The following HTRA3 variants were observed in gnomAD, a reference collection of about 807,000 sequenced individuals.
HTRA3 encodes HtrA serine peptidase 3.
In HTRA3, 41 loss-of-function variants were observed where a neutral mutation model predicts 43.2. The observed-to-expected ratio is 0.95, with a 90% CI of 0.74 to 1.23. HTRA3 has a LOEUF of 1.23. Among genes scored for constraint, HTRA3 ranks in the 50% most tolerant of loss-of-function variants. HTRA3 has a pLI of 0.00. For synonymous variants in HTRA3, 295 were observed against 287.9 expected, an observed-to-expected ratio of 1.02 and a Z score of -0.25; for missense variants, 628 against 647.1, an observed-to-expected ratio of 0.97 and a Z score of 0.32.
chr4:8,274,704 TC>T (rs1352491543), intron 1 of HTRA3, among the ~76,000 whole-genome samples: 1 of 152,216 alleles, frequency 6.6e-6, no homozygotes, highest in Non-Finnish European at 1.5e-5. Flanking sequence ...TAAATGCGTT[TC>T]TGAGGGCCTG....
At chr4:8,290,846 GCTTCA>G (rs1713206564) in intron 3 of HTRA3, among the ~76,000 whole-genome samples, 1 of 152,216 alleles carries the variant, frequency 6.6e-6, no homozygotes, top group Non-Finnish European at 1.5e-5. Context: ...TCGGCTAGTG[GCTTCA>G]CTTCTCCAGG....
At chr4:8,278,719 G>C (rs1267207040) in intron 1 of HTRA3, among the ~76,000 whole-genome samples, 1 of 152,162 alleles carries the variant, frequency 6.6e-6, no homozygotes, top group East Asian at 1.9e-4. Context: ...CCAGGCTCTG[G>C]GGTTGCCTAG....
At chr4:8,277,205 G>A (rs560899084) in intron 1 of HTRA3, among the ~76,000 whole-genome samples, 31 of 152,292 alleles carry the variant, frequency 2.0e-4, no homozygotes, top group East Asian at 9.7e-4. Flanking sequence ...GGCTCGGTGG[G>A]GCAAAGTTCA....
rs574126886 is a variant in HTRA3, at chr4:8,304,256, T to A, written c.1173T>A (p.Val391=). ...EVSSGIYVQE[V]APNSPSQRGG... ...GCAGTGGAATTTATGTGCAAGAGGT[T>A]GCGCCGAATTCACCTTCTCAGAGGT... Residue 391 remains valine (V), a synonymous_variant, in exon 8 of 9, where the codon GTT becomes GTA. Transcript: ENST00000307358. The A allele has an allele frequency of 6.2e-7, 1 of 1,614,126 alleles. No homozygotes were observed. The highest frequency in any genetic ancestry group is 1.3e-5 in the African/African-American group (1 of 75,044).
Position 8,291,471 on chromosome 4 carries a change from A to T in HTRA3, c.810A>T (p.Thr270=), listed in dbSNP as rs1326159559. ...CCTTCGCCCTACAGAACACAGTGAC[A>T]ACGGGCATCGTCAGCACTGCCCAGC... is the stretch of plus-strand genomic sequence containing the variant. The part of the protein sequence containing the change: ...GSPFALQNTV[T]TGIVSTAQRE... Residue 270 remains threonine (T), a synonymous_variant, in exon 4 of 9, where the codon ACA becomes ACT. Transcript: ENST00000307358. 1 of 1,613,104 alleles carries T rather than the reference A, an allele frequency of 6.2e-7. No homozygotes were observed. Among genetic ancestry groups the T allele is most frequent in the Non-Finnish European group, 8.5e-7 (1 of 1,179,996 alleles).
rs185708536 is a variant in HTRA3 at position 8,300,895 on chromosome 4, T to C, written c.1052-1568T>C. Among the ~76,000 whole-genome samples the C allele has an allele frequency of 2.4e-3, 369 of 152,172 alleles. 6 individuals are homozygous for C. The highest frequency in any genetic ancestry group is 0.023 in the Admixed American group (349 of 15,292). ...TTTATTGATTCACACTCATCTTTAT[T>C]ATTGATTCACACTCTCAGCTTTATT... On this transcript the variant is annotated intron_variant, in intron 6 of 8. Coordinates refer to ENST00000307358, the MANE Select transcript of HTRA3 (RefSeq NM_053044.5).
rs1379190845 is a variant in HTRA3 at position 8,296,384 on chromosome 4, A to G, written c.1051+2183A>G. 3 of 985,348 alleles carry G rather than the reference A, an allele frequency of 3.0e-6. No homozygotes were observed. Among genetic ancestry groups the G allele is most frequent in the East Asian group, 1.1e-4 (1 of 8,826 alleles). 61.0% of individuals were successfully genotyped at this position (985,348 alleles called of 1,614,324 possible). Reference sequence around the variant, plus strand: ...GAGGAGCCTGATAAACCTTAGCTGCATGGCACACTTGCAATTTTAAAATCC... The same window carrying G: ...GAGGAGCCTGATAAACCTTAGCTGCGTGGCACACTTGCAATTTTAAAATCC... On this transcript the variant is annotated intron_variant, in intron 6 of 8. Transcript: ENST00000307358. This position sits in a 1 kb window ranked among gnomAD's most constrained non-coding sequence, Gnocchi z 5.3.
At chr4:8,284,478 A>G (rs1712881056) in intron 2 of HTRA3, among the ~76,000 whole-genome samples, 1 of 152,140 alleles carries the variant, frequency 6.6e-6, no homozygotes, top group Non-Finnish European at 1.5e-5. Flanking sequence ...GATGAGACAG[A>G]TGCTTTTCCA....
intron 3 of HTRA3, among the ~76,000 whole-genome samples, chr4:8,289,425 C>T (rs1187221870): frequency 6.6e-6 from 1 of 152,212 alleles, no homozygotes. Flanking sequence ...GCGTTTGGGC[C>T]TTGGGCCAGT....
chr4:8,295,861 C>T lies in HTRA3; in HGVS notation c.1051+1660C>T. 1 of 1,235,836 alleles carries T rather than the reference C, an allele frequency of 8.1e-7. No homozygotes were observed. 76.6% of individuals were successfully genotyped at this position (1,235,836 alleles called of 1,614,324 possible). ...GGATGCCGCCATTGTTCTTCTGTGT[C>T]CATTATGGGAAGACAATCTGGAGCC... On this transcript the variant is annotated intron_variant, in intron 6 of 8. Coordinates refer to ENST00000307358, the MANE Select transcript of HTRA3 (RefSeq NM_053044.5). This position sits in a 1 kb window ranked among gnomAD's most constrained non-coding sequence, Gnocchi z 6.9.
intron 3 of HTRA3, among the ~76,000 whole-genome samples, chr4:8,289,249 C>T (rs1713130056): frequency 6.6e-6 from 1 of 152,206 alleles, no homozygotes; most frequent in African/African-American, 2.4e-5. Flanking sequence ...GGTGCCCAGC[C>T]AACAAATTTT....
intron 1 of HTRA3, among the ~76,000 whole-genome samples, chr4:8,281,595 G>C (rs11721894): frequency 0.32 from 48,209 of 152,188 alleles, 8,777 homozygotes; most frequent in Non-Finnish European, 0.41. Flanking sequence ...GCTCATTGCG[G>C]GGCTCGGGAG....
chr4:8,275,670 G>A (rs760573506), intron 1 of HTRA3, among the ~76,000 whole-genome samples: 23 of 152,204 alleles, frequency 1.5e-4, no homozygotes, highest in Admixed American at 3.9e-4. Flanking sequence ...AACACCTTCC[G>A]CCCAGGCTTG....
At chr4:8,277,842 C>A (rs188103520) in intron 1 of HTRA3, among the ~76,000 whole-genome samples, 7 of 152,322 alleles carry the variant, frequency 4.6e-5, no homozygotes, top group Non-Finnish European at 8.8e-5. Context: ...CTCCTCCATC[C>A]CCAGCTCACA....
In HTRA3 at chr4:8,306,090, G is replaced by A; in HGVS notation, c.1316G>A (p.Gly439Glu). 1.2e-6 allele frequency: 2 copies of A among 1,608,390 alleles called. No homozygotes were observed. Among genetic ancestry groups the A allele is most frequent in the South Asian group, 2.2e-5 (2 of 90,748 alleles). Residue 439 changes from glycine to glutamate, a missense_variant, in exon 9 of 9, where the codon GGG (glycine) becomes GAG (glutamate). Gly to Glu is a moderately conservative substitution (Grantham distance 98). Coordinates refer to ENST00000307358, the MANE Select transcript of HTRA3 (RefSeq NM_053044.5). This position sits in a 1 kb window ranked among gnomAD's most constrained non-coding sequence, Gnocchi z 8.9. ...ESPLLLEVRRGNDDLLFSIAP... is the reference protein window; with the variant it reads ...ESPLLLEVRRENDDLLFSIAP... ...CCTCTCCTACTGGAGGTGCGGCGGG[G>A]GAACGACGACCTCCTCTTCAGCATC...
chr4:8,277,932 A>C (rs1214386581), intron 1 of HTRA3, among the ~76,000 whole-genome samples: 1 of 152,202 alleles, frequency 6.6e-6, no homozygotes, highest in African/African-American at 2.4e-5. Flanking sequence ...AGATGGAGGA[A>C]CAGAACTGGG....
intron 1 of HTRA3, among the ~76,000 whole-genome samples, chr4:8,272,335 G>A (rs1277653865): frequency 1.3e-5 from 2 of 152,190 alleles, no homozygotes; most frequent in Admixed American, 6.5e-5. Flanking sequence ...GAAGGGAGGA[G>A]GAAAATAGTC....
chr4:8,289,985 T>C (rs1301790278), intron 3 of HTRA3, among the ~76,000 whole-genome samples: 1 of 152,104 alleles, frequency 6.6e-6, no homozygotes, highest in Non-Finnish European at 1.5e-5. Context: ...CCTCCTTGGG[T>C]GCAGGGAGGA....
intron 1 of HTRA3, among the ~76,000 whole-genome samples, chr4:8,276,352 T>G (rs1712522844): frequency 6.6e-6 from 1 of 152,200 alleles, no homozygotes; most frequent in Non-Finnish European, 1.5e-5. Context: ...CTTTGCACGG[T>G]GCCGGGCTCA....
Sources: gnomAD v4.1 joint callset for allele counts (sites outside exome capture counted in the v4.1 genomes callset) on GRCh38, gnomAD v4.1.1 for gene constraint, Gnocchi (gnomAD v3.1) non-coding constraint, MANE v1.5 for transcripts, NCBI Gene and HGNC (gene_info 2026-07-23, HGNC 2026-07-21) for gene names.